Variants in C19orf84 observed in about 807,000 individuals in gnomAD.
The protein encoded by C19orf84 is piRNA-mediated silencing protein C19orf84.
C19orf84 carries 1 observed loss-of-function variant against 4.0 expected under a neutral mutation model. The observed-to-expected ratio is 0.25, with a 90% CI of 0.09 to 1.19. The LOEUF (loss-of-function observed/expected upper bound fraction) is 1.19. C19orf84 is among the 50% of genes most tolerant of loss of function. The pLI is 0.50. For synonymous variants in C19orf84, 123 were observed against 109.6 expected (o/e 1.12, Z -0.76); for missense variants, 224 against 246.8 (o/e 0.91, Z 0.62).
At position 51,390,547 on chromosome 19, in the gene C19orf84, C is replaced by T. The variant is rs1480528800; in HGVS notation, c.-35G>A. 1 of 1,515,420 alleles carries T rather than the reference C, an allele frequency of 6.6e-7. No individual in the cohort carries two copies. The highest frequency in any genetic ancestry group is 2.5e-5 in the East Asian group (1 of 39,232). The allele number at this position is 1,515,420 out of a possible 1,614,324, so 93.9% of individuals were successfully genotyped here. On this transcript the variant is annotated 5_prime_UTR_variant, in exon 1 of 2. Transcript: ENST00000574814. ...GGCCCTCTTACGTATCTTCTAGCAA[C>T]TTCGCCTCCGAGATCCTTCGGGGGC...
rs1987173536 is a variant in C19orf84 at position 51,388,739 on chromosome 19, GT to G, written c.*244del. 2 of 563,904 alleles carry G rather than the reference GT, an allele frequency of 3.5e-6. No individual in the cohort carries two copies. Among genetic ancestry groups the G allele is most frequent in the Admixed American group, 6.4e-5 (2 of 31,156 alleles). The allele number at this position is 563,904 out of a possible 1,614,324, so 34.9% of individuals were successfully genotyped here. ...GGTTGGGGATGGCATTGGGAATGGGGTTGAGGCCATCAAGGAGACAGGTTTG... is the reference window on the plus strand; with the variant it reads ...GGTTGGGGATGGCATTGGGAATGGGGTGAGGCCATCAAGGAGACAGGTTTG... On this transcript the variant is annotated 3_prime_UTR_variant, in exon 2 of 2. Coordinates refer to ENST00000574814, the MANE Select transcript of C19orf84 (RefSeq NM_001193623.2).
In C19orf84 at chr19:51,389,848, T is replaced by A. The variant is rs955675608; in HGVS notation, c.36-339A>T. ...CTTTGGATGGTATCAAAGGTGCGTA[T>A]GACAGCGCTGGGTCTGGTAAGTGCT... On this transcript the variant is annotated intron_variant, in intron 1 of 1. Transcript: ENST00000574814. This position sits in a 1 kb window ranked among gnomAD's most constrained non-coding sequence, Gnocchi z 4.7. Among the ~76,000 whole-genome samples, 1 of 152,224 alleles carries A rather than the reference T, an allele frequency of 6.6e-6. No homozygotes were observed.
At position 51,389,983 on chromosome 19, in the gene C19orf84, CTT is replaced by C. The variant is rs908110811; in HGVS notation, c.36-476_36-475del. On this transcript the variant is annotated intron_variant, in intron 1 of 1. Coordinates refer to ENST00000574814, the MANE Select transcript of C19orf84 (RefSeq NM_001193623.2). This position sits in a 1 kb window ranked among gnomAD's most constrained non-coding sequence, Gnocchi z 4.7. Reference sequence around the variant, plus strand: ...GTTCGATGAGTATCTGTTTCTAGCTCTTTTTTTTTTTTGAGATGGGGTTTCAC... The same window carrying C: ...GTTCGATGAGTATCTGTTTCTAGCTCTTTTTTTTTTGAGATGGGGTTTCAC... Among the ~76,000 whole-genome samples the C allele has an allele frequency of 1.4e-5, 2 of 144,584 alleles. No homozygotes were observed. The allele number at this position is 144,584 out of a possible 152,430, so 94.9% of individuals were successfully genotyped here. A position where few individuals can be genotyped will look rare whatever the true frequency, so the allele number is the denominator to read the frequency against.
Position 51,388,668 on chromosome 19 carries a change from T to G in C19orf84, c.*316A>C. On this transcript the variant is annotated 3_prime_UTR_variant, in exon 2 of 2. Transcript: ENST00000574814. ...ATTAGGGAGAGGATAGGGAATGGGG[T>G]TGGAGGAGCCCTGGGGGTTGAGAAT... The G allele has an allele frequency of 2.6e-6, 1 of 382,010 alleles. No individual in the cohort carries two copies. Among genetic ancestry groups the G allele is most frequent in the Non-Finnish European group, 4.8e-6 (1 of 210,374 alleles). 23.7% of individuals were successfully genotyped at this position (382,010 alleles called of 1,614,324 possible).
Position 51,389,441 on chromosome 19 carries a change from G to A in C19orf84, c.104C>T (p.Pro35Leu). 6.9e-7 allele frequency: 1 copy of A among 1,454,918 alleles called. No homozygotes were observed. The allele number at this position is 1,454,918 out of a possible 1,614,324, so 90.1% of individuals were successfully genotyped here. Residue 35 changes from proline to leucine, a missense_variant, in exon 2 of 2, where the codon CCC (proline) becomes CTC (leucine). Coordinates refer to ENST00000574814, the MANE Select transcript of C19orf84 (RefSeq NM_001193623.2). This position sits in a 1 kb window ranked among gnomAD's most constrained non-coding sequence, Gnocchi z 4.7. ...GGGGTCTGTGGAGTTCAGGAGCAAG[G>A]GTGGAGGGGCTGGGAGAGGCGCAGG... is the stretch of plus-strand genomic sequence containing the variant. ...WPPAPLPAPP[P>L]LLLNSTDPTH...
In C19orf84 at chr19:51,388,553, C is replaced by G. The variant is rs1030615718; in HGVS notation, c.*431G>C. The G allele has an allele frequency of 1.0e-5, 2 of 195,088 alleles. No individual in the cohort carries two copies. The highest frequency in any genetic ancestry group is 4.8e-5 in the African/African-American group (2 of 41,904). 12.1% of individuals were successfully genotyped at this position (195,088 alleles called of 1,614,324 possible). On this transcript the variant is annotated 3_prime_UTR_variant, in exon 2 of 2. Coordinates refer to ENST00000574814, the MANE Select transcript of C19orf84 (RefSeq NM_001193623.2). ...TTAGGGTTGAGGCGCAGAAGTGGAGCTGGGACTGGTGACAGGGATGGGAAT... is the reference window on the plus strand; with the variant it reads ...TTAGGGTTGAGGCGCAGAAGTGGAGGTGGGACTGGTGACAGGGATGGGAAT...
Position 51,390,590 on chromosome 19 carries a change from G to C in C19orf84, c.-78C>G, listed in dbSNP as rs1161419313. On this transcript the variant is annotated 5_prime_UTR_variant, in exon 1 of 2. Transcript: ENST00000574814. ...TCGGGGGCCCGGGAAGGTTGGGGAG[G>C]GGCCGAGGCCGAGAGAGGCGGGGCT... 6.9e-7 allele frequency: 1 copy of C among 1,448,522 alleles called. No homozygotes were observed. The highest frequency in any genetic ancestry group is 1.4e-5 in the African/African-American group (1 of 69,818). 89.7% of individuals were successfully genotyped at this position (1,448,522 alleles called of 1,614,324 possible).
At position 51,389,226 on chromosome 19, in the gene C19orf84, C is replaced by T. The variant is rs780890812; in HGVS notation, c.319G>A (p.Gly107Arg). The T allele has an allele frequency of 7.8e-6, 12 of 1,534,494 alleles. No individual in the cohort carries two copies. The South Asian group carries it at 9.5e-5, about 12-fold the overall frequency. The change falls in exon 2 of 2, where the codon GGA becomes AGA. Residue 107 changes from glycine (G) to arginine (R), a missense_variant. Physicochemically the swap from Gly to Arg is moderately radical, Grantham distance 125 (BLOSUM62 -2). Coordinates refer to ENST00000574814, the MANE Select transcript of C19orf84 (RefSeq NM_001193623.2). The surrounding 1 kb of genome is among the most constrained non-coding windows in gnomAD (Gnocchi z 4.7). Reference protein sequence around the residue: ...GAVRRPPRGRGGWEVRHRPGW... With the variant: ...GAVRRPPRGRRGWEVRHRPGW... ...GGCCTGTGCCTGACTTCCCAGCCTC[C>T]GCGTCCCCTGGGAGGCCTCCTAACT...
rs991065452 is a variant in C19orf84, at chr19:51,389,788, A to G, written c.36-279T>C. Among the ~76,000 whole-genome samples the G allele has an allele frequency of 3.3e-5, 5 of 152,276 alleles. No individual in the cohort carries two copies. Among genetic ancestry groups the G allele is most frequent in the South Asian group, 2.1e-4 (1 of 4,828 alleles). Reference sequence around the variant, plus strand: ...GTATCTTTGGACAAATCATTTTCCTATTCCGAACCTTAATTTGTTTATAGT... The same window carrying G: ...GTATCTTTGGACAAATCATTTTCCTGTTCCGAACCTTAATTTGTTTATAGT... On this transcript the variant is annotated intron_variant, in intron 1 of 1. Coordinates refer to ENST00000574814, the MANE Select transcript of C19orf84 (RefSeq NM_001193623.2). This position sits in a 1 kb window ranked among gnomAD's most constrained non-coding sequence, Gnocchi z 4.7.
Position 51,389,604 on chromosome 19 carries a change from G to T in C19orf84, c.36-95C>A. ...TGTCTCTGCACCTCTGCAGAAGGCAGCCATCTCTCCATCCTCAGTGCCCAC... is the reference window on the plus strand; with the variant it reads ...TGTCTCTGCACCTCTGCAGAAGGCATCCATCTCTCCATCCTCAGTGCCCAC... On this transcript the variant is annotated intron_variant, in intron 1 of 1. Transcript: ENST00000574814. This position sits in a 1 kb window ranked among gnomAD's most constrained non-coding sequence, Gnocchi z 4.7. 1 of 1,088,392 alleles carries T rather than the reference G, an allele frequency of 9.2e-7. No individual in the cohort carries two copies. The highest frequency in any genetic ancestry group is 1.2e-6 in the Non-Finnish European group (1 of 834,888). 67.4% of individuals were successfully genotyped at this position (1,088,392 alleles called of 1,614,324 possible). A position where few individuals can be genotyped will look rare whatever the true frequency, so the allele number is the denominator to read the frequency against.
rs1009590732 is a variant in C19orf84, at chr19:51,388,800, T to A, written c.*184A>T. On this transcript the variant is annotated 3_prime_UTR_variant, in exon 2 of 2. Coordinates refer to ENST00000574814, the MANE Select transcript of C19orf84 (RefSeq NM_001193623.2). Reference sequence around the variant, plus strand: ...TTTAGGATTTTCTTCTCACTTGGGATTCAGGTGACTTAGGTCAGGTTCACC... The same window carrying A: ...TTTAGGATTTTCTTCTCACTTGGGAATCAGGTGACTTAGGTCAGGTTCACC... The A allele has an allele frequency of 2.2e-5, 14 of 650,266 alleles. No individual in the cohort carries two copies. The East Asian group carries it at 2.8e-4, about 13-fold the overall frequency. The allele number at this position is 650,266 out of a possible 1,614,324, so 40.3% of individuals were successfully genotyped here.
chr19:51,388,933 G>C lies in C19orf84; in HGVS notation c.*51C>G, dbSNP rs892737398. On this transcript the variant is annotated 3_prime_UTR_variant, in exon 2 of 2. Coordinates refer to ENST00000574814, the MANE Select transcript of C19orf84 (RefSeq NM_001193623.2). ...AGGGCTGAGATCACTCTGGGCCCCA[G>C]GAAAACCCTCCTGGGTGACTGCAAT... 1.7e-5 allele frequency: 26 copies of C among 1,530,698 alleles called. No individual in the cohort carries two copies. In the Middle Eastern group the frequency reaches 1.0e-3, roughly 60 times the overall value. The allele number at this position is 1,530,698 out of a possible 1,614,324, so 94.8% of individuals were successfully genotyped here.
In C19orf84 at chr19:51,388,668, T is replaced by A. The variant is rs919585855; in HGVS notation, c.*316A>T. The A allele has an allele frequency of 1.0e-5, 4 of 381,894 alleles. No homozygotes were observed. The highest frequency in any genetic ancestry group is 1.9e-5 in the Non-Finnish European group (4 of 210,384). The allele number at this position is 381,894 out of a possible 1,614,324, so 23.7% of individuals were successfully genotyped here. A position where few individuals can be genotyped will look rare whatever the true frequency, so the allele number is the denominator to read the frequency against. On this transcript the variant is annotated 3_prime_UTR_variant, in exon 2 of 2. Coordinates refer to ENST00000574814, the MANE Select transcript of C19orf84 (RefSeq NM_001193623.2). ...ATTAGGGAGAGGATAGGGAATGGGG[T>A]TGGAGGAGCCCTGGGGGTTGAGAAT...
In C19orf84 at chr19:51,389,275, C is replaced by G; in HGVS notation, c.270G>C (p.Gln90His). 1 of 1,535,874 alleles carries G rather than the reference C, an allele frequency of 6.5e-7. No individual in the cohort carries two copies. Among genetic ancestry groups the G allele is most frequent in the Non-Finnish European group, 8.7e-7 (1 of 1,146,750 alleles). ...CTGCCCCCGGCTGGGAGTGGCCTGCCTGGGAGCAGCAGGGGCAAGAGGGCA... is the reference window on the plus strand; with the variant it reads ...CTGCCCCCGGCTGGGAGTGGCCTGCGTGGGAGCAGCAGGGGCAAGAGGGCA... ...QALPSCPCCS[Q>H]AGHSQPGAVR... Residue 90 changes from glutamine (Q) to histidine (H), a missense_variant, in exon 2 of 2, where the codon CAG (glutamine) becomes CAC (histidine). By Grantham distance (24) the Gln-to-His change is conservative. Coordinates refer to ENST00000574814, the MANE Select transcript of C19orf84 (RefSeq NM_001193623.2). This position sits in a 1 kb window ranked among gnomAD's most constrained non-coding sequence, Gnocchi z 4.7.
Position 51,389,442 on chromosome 19 carries a change from G to C in C19orf84, c.103C>G (p.Pro35Ala). ...GGGTCTGTGGAGTTCAGGAGCAAGG[G>C]TGGAGGGGCTGGGAGAGGCGCAGGG... ...WPPAPLPAPP[P>A]LLLNSTDPTH... is the part of the protein sequence containing the mutation. Residue 35 changes from proline (P) to alanine (A), a missense_variant, in exon 2 of 2, where the codon CCC (proline) becomes GCC (alanine). By Grantham distance (27) the Pro-to-Ala change is conservative (BLOSUM62 -1). Coordinates refer to ENST00000574814, the MANE Select transcript of C19orf84 (RefSeq NM_001193623.2). The surrounding 1 kb of genome is among the most constrained non-coding windows in gnomAD (Gnocchi z 4.7). 1 of 1,454,370 alleles carries C rather than the reference G, an allele frequency of 6.9e-7. No homozygotes were observed. Among genetic ancestry groups the C allele is most frequent in the East Asian group, 2.5e-5 (1 of 40,070 alleles). The allele number at this position is 1,454,370 out of a possible 1,614,324, so 90.1% of individuals were successfully genotyped here. A position where few individuals can be genotyped will look rare whatever the true frequency, so the allele number is the denominator to read the frequency against.
Position 51,390,563 on chromosome 19 carries a change from C to A in C19orf84, c.-51G>T. The A allele has an allele frequency of 3.3e-6, 5 of 1,505,948 alleles. No homozygotes were observed. Among genetic ancestry groups the A allele is most frequent in the Non-Finnish European group, 4.4e-6 (5 of 1,129,418 alleles). 93.3% of individuals were successfully genotyped at this position (1,505,948 alleles called of 1,614,324 possible). On this transcript the variant is annotated 5_prime_UTR_variant, in exon 1 of 2. In the 5' UTR this introduces an upstream ATG that the reference lacks. Coordinates refer to ENST00000574814, the MANE Select transcript of C19orf84 (RefSeq NM_001193623.2). Reference sequence around the variant, plus strand: ...TTCTAGCAACTTCGCCTCCGAGATCCTTCGGGGGCCCGGGAAGGTTGGGGA... The same window carrying A: ...TTCTAGCAACTTCGCCTCCGAGATCATTCGGGGGCCCGGGAAGGTTGGGGA...
At position 51,388,700 on chromosome 19, in the gene C19orf84, A is replaced by G; in HGVS notation, c.*284T>C. The G allele has an allele frequency of 4.1e-6, 2 of 482,040 alleles. No homozygotes were observed. The highest frequency in any genetic ancestry group is 3.9e-5 in the East Asian group (1 of 25,350). The allele number at this position is 482,040 out of a possible 1,614,324, so 29.9% of individuals were successfully genotyped here. On this transcript the variant is annotated 3_prime_UTR_variant, in exon 2 of 2. Coordinates refer to ENST00000574814, the MANE Select transcript of C19orf84 (RefSeq NM_001193623.2). The stretch of plus-strand genomic sequence containing the variant: ...AGCCCTGGGGGTTGAGAATGAGGTA[A>G]GGATTGTGGTTGTGGTTGGGGATGG...
rs1163213630 is a variant in C19orf84 at position 51,388,814 on chromosome 19, G to C, written c.*170C>G. 4 of 710,884 alleles carry C rather than the reference G, an allele frequency of 5.6e-6. No homozygotes were observed. The highest frequency in any genetic ancestry group is 2.9e-5 in the Admixed American group (1 of 33,962). The allele number at this position is 710,884 out of a possible 1,614,324, so 44.0% of individuals were successfully genotyped here. ...CTCACTTGGGATTCAGGTGACTTAG[G>C]TCAGGTTCACCAAGTGCCTCACAGG... On this transcript the variant is annotated 3_prime_UTR_variant, in exon 2 of 2. Coordinates refer to ENST00000574814, the MANE Select transcript of C19orf84 (RefSeq NM_001193623.2).
At position 51,389,122 on chromosome 19, in the gene C19orf84, C is replaced by T. The variant is rs1184969935; in HGVS notation, c.423G>A (p.Gly141=). ...TCATTGGTGGGGTCCTGGGGCCAGC[C>T]CCAGGGCCCCCCGCCCGGCCCCTCT... ...QPERGRAGGP[G]AGPRTPPMTL... Residue 141 remains glycine (G), a synonymous_variant, in exon 2 of 2, where the codon GGG becomes GGA. Coordinates refer to ENST00000574814, the MANE Select transcript of C19orf84 (RefSeq NM_001193623.2). The surrounding 1 kb of genome is among the most constrained non-coding windows in gnomAD (Gnocchi z 4.7). 1.3e-6 allele frequency: 2 copies of T among 1,535,650 alleles called. No individual in the cohort carries two copies. Among genetic ancestry groups the T allele is most frequent in the Admixed American group, 2.0e-5 (1 of 50,974 alleles).
Sources: gnomAD v4.1 joint callset for allele counts (sites outside exome capture counted in the v4.1 genomes callset) on GRCh38, gnomAD v4.1.1 for gene constraint, Gnocchi (gnomAD v3.1) non-coding constraint, MANE v1.5 for transcripts, NCBI Gene and HGNC (gene_info 2026-07-23, HGNC 2026-07-21) for gene names.